Variants in AKAP7 observed in about 807,000 individuals in gnomAD.
The protein encoded by AKAP7 is A kinase (PRKA) anchor protein 7.
Under a neutral mutation model 39.5 loss-of-function variants are expected in AKAP7, and 39 were observed. The ratio of observed to expected loss-of-function variants is 0.99; its 90% CI spans 0.76 to 1.29. AKAP7 has a LOEUF of 1.29. Among genes scored for constraint, AKAP7 ranks in the 50% most tolerant of loss-of-function variants. The pLI is 0.00. For missense variants in AKAP7, 414 were observed against 407.7 expected (o/e 1.02, Z -0.13); for synonymous variants, 140 against 139.1 (o/e 1.01, Z -0.05).
chr6:131,146,923 C>T (rs1295732433), intron 2 of AKAP7, among the ~76,000 whole-genome samples: 2 of 152,182 alleles, frequency 1.3e-5, no homozygotes, highest in African/African-American at 2.4e-5. Flanking sequence ...CAAGAAGCTC[C>T]CAGCTTCATT....
rs778947568 is a variant in AKAP7, at chr6:131,199,581, C to T, written c.702+8C>T. 1.3e-6 allele frequency: 2 copies of T among 1,573,992 alleles called. No homozygotes were observed. Among genetic ancestry groups the T allele is most frequent in the Non-Finnish European group, 1.7e-6 (2 of 1,143,696 alleles). On this transcript the variant is annotated splice_region_variant and intron_variant, in intron 6 of 7. Coordinates refer to ENST00000431975, the MANE Select transcript of AKAP7 (RefSeq NM_016377.4). ...CCGTGGCTCCGTAAGAATGTGAGTG[C>T]ATGTTCTTATTGCAAGCCTGTTTTA...
the AKAP7 span, among the ~76,000 whole-genome samples, chr6:131,130,364 A>T: frequency 6.6e-6 from 1 of 152,092 alleles, no homozygotes; most frequent in South Asian, 2.1e-4. Flanking sequence ...ATCTTGGCTC[A>T]CTGCACCTCT....
At chr6:131,166,853 C>T (rs1803548582) in intron 4 of AKAP7, among the ~76,000 whole-genome samples, 1 of 152,104 alleles carries the variant, frequency 6.6e-6, no homozygotes, top group Non-Finnish European at 1.5e-5. Context: ...TTGTCCATTT[C>T]TTGTCCTATA....
chr6:131,211,331 T>C (rs778559928), intron 6 of AKAP7, among the ~76,000 whole-genome samples: 2 of 152,136 alleles, frequency 1.3e-5, no homozygotes, highest in African/African-American at 2.4e-5. Flanking sequence ...ATTTGGAAAA[T>C]ATTCTTTCTT....
At position 131,159,246 on chromosome 6, in the gene AKAP7, A is replaced by G. The variant is rs552473548; in HGVS notation, c.152-813A>G. Reference sequence around the variant, plus strand: ...GGAGCTGGGACTACAGGTGCCCGCCAGCACACCCAGCTAATTTTTTATATT... The same window carrying G: ...GGAGCTGGGACTACAGGTGCCCGCCGGCACACCCAGCTAATTTTTTATATT... On this transcript the variant is annotated intron_variant, in intron 2 of 7. Transcript: ENST00000431975. Among the ~76,000 whole-genome samples the G allele has an allele frequency of 2.3e-3, 357 of 152,232 alleles. 2 individuals carry two copies. The highest frequency in any genetic ancestry group is 4.0e-3 in the Non-Finnish European group (270 of 68,020).
At chr6:131,132,727 C>G (rs904292753), upstream of AKAP7, among the ~76,000 whole-genome samples, 4 of 152,180 alleles carry the variant, frequency 2.6e-5, no homozygotes, top group African/African-American at 7.2e-5. Context: ...TTCTGGAAAT[C>G]TGAAAATTAT....
chr6:131,253,516 A>G (rs1812605507), intron 7 of AKAP7, among the ~76,000 whole-genome samples: 1 of 152,154 alleles, frequency 6.6e-6, no homozygotes, highest in South Asian at 2.1e-4. Context: ...TTTTAACTAT[A>G]GTCACCTTAC....
At chr6:131,241,494 G>A (rs1811547229) in intron 7 of AKAP7, among the ~76,000 whole-genome samples, 1 of 151,604 alleles carries the variant, frequency 6.6e-6, no homozygotes, top group Admixed American at 6.6e-5. Context: ...AAGATGATGA[G>A]TTCAGTTTTG....
intron 7 of AKAP7, among the ~76,000 whole-genome samples, chr6:131,259,953 CT>C (rs911516245): frequency 1.4e-4 from 22 of 152,218 alleles, no homozygotes; most frequent in African/African-American, 5.3e-4. Context: ...TCTCTTGCCC[CT>C]CATCCACCCA....
At chr6:131,200,426 T>G (rs1401541272) in intron 6 of AKAP7, among the ~76,000 whole-genome samples, 12 of 152,206 alleles carry the variant, frequency 7.9e-5, no homozygotes, top group Admixed American at 7.9e-4. Context: ...CTCCCTGCTC[T>G]CCATGACCCT....
Position 131,281,964 on chromosome 6 carries a change from T to C in AKAP7, c.*238T>C. 9.1e-6 allele frequency: 11 copies of C among 1,203,118 alleles called. No individual in the cohort carries two copies. The highest frequency in any genetic ancestry group is 9.3e-6 in the Non-Finnish European group (9 of 970,512). 74.5% of individuals were successfully genotyped at this position (1,203,118 alleles called of 1,614,324 possible). On this transcript the variant is annotated 3_prime_UTR_variant, in exon 8 of 8. Transcript: ENST00000431975. This position sits in a 1 kb window ranked among gnomAD's most constrained non-coding sequence, Gnocchi z 4.0. The stretch of plus-strand genomic sequence containing the variant: ...TGAAAGAAGAATGGCCCAAGTTTCA[T>C]TCGCCCTCAGCCACGCACAAGGGAA...
intron 5 of AKAP7, among the ~76,000 whole-genome samples, chr6:131,179,530 A>G (rs373543485): frequency 4.7e-4 from 72 of 152,304 alleles, no homozygotes; most frequent in African/African-American, 1.6e-3. Context: ...CACGAGGGCC[A>G]GGACCATGAC....
chr6:131,166,738 A>G (rs1179658739), intron 4 of AKAP7, among the ~76,000 whole-genome samples: 1 of 152,168 alleles, frequency 6.6e-6, no homozygotes, highest in African/African-American at 2.4e-5. Flanking sequence ...GGGCAGCTAG[A>G]ATGGAATTGA....
At chr6:131,198,258 A>G (rs913518427) in intron 5 of AKAP7, among the ~76,000 whole-genome samples, 3 of 152,162 alleles carry the variant, frequency 2.0e-5, no homozygotes, top group African/African-American at 4.8e-5. Context: ...TTGATGTCCT[A>G]TCTACTAATT....
intron 7 of AKAP7, among the ~76,000 whole-genome samples, chr6:131,223,756 T>TA (rs1279907129): frequency 1.3e-5 from 2 of 152,088 alleles, no homozygotes; most frequent in South Asian, 2.1e-4. Context: ...TCATTCCTGT[T>TA]AAAAAAATTA....
chr6:131,244,551 T>G (rs1373346619), intron 7 of AKAP7, among the ~76,000 whole-genome samples: 1 of 152,174 alleles, frequency 6.6e-6, no homozygotes, highest in Non-Finnish European at 1.5e-5. Flanking sequence ...TAAATTTTCC[T>G]CCCTAACTTA....
chr6:131,275,382 G>T (rs1366433917), intron 7 of AKAP7, among the ~76,000 whole-genome samples: 1 of 152,168 alleles, frequency 6.6e-6, no homozygotes, highest in Non-Finnish European at 1.5e-5. Context: ...CCAAAATTTG[G>T]TTTCAAACCT....
chr6:131,237,494 C>T (rs1172915359), intron 7 of AKAP7, among the ~76,000 whole-genome samples: 1 of 152,146 alleles, frequency 6.6e-6, no homozygotes, highest in Non-Finnish European at 1.5e-5. Context: ...CCAGCTCCTC[C>T]TTGTACCTCT....
At chr6:131,189,878 A>G (rs1449390361) in intron 5 of AKAP7, among the ~76,000 whole-genome samples, 1 of 152,144 alleles carries the variant, frequency 6.6e-6, no homozygotes, top group Non-Finnish European at 1.5e-5. Flanking sequence ...TATCTGATGT[A>G]TGTGTTTTGT....
Sources: gnomAD v4.1 joint callset for allele counts (sites outside exome capture counted in the v4.1 genomes callset) on GRCh38, gnomAD v4.1.1 for gene constraint, Gnocchi (gnomAD v3.1) non-coding constraint, MANE v1.5 for transcripts, NCBI Gene and HGNC (gene_info 2026-07-23, HGNC 2026-07-21) for gene names.